Variants in ESRRG observed in about 807,000 individuals in gnomAD.
ESRRG encodes the protein estrogen-related receptor gamma.
ESRRG carries 13 observed loss-of-function variants against 44.0 expected under a neutral mutation model. The observed-to-expected ratio is 0.30, with a 90% CI of 0.19 to 0.47. ESRRG has a LOEUF of 0.47. Among genes scored for constraint, ESRRG ranks in the 20% least tolerant of loss-of-function variants. The pLI, the probability that ESRRG is intolerant of heterozygous loss-of-function variation, is 1.00. For missense variants in ESRRG, 395 were observed against 580.6 expected (o/e 0.68, Z 3.29); for synonymous variants, 215 against 214.6 (o/e 1.00, Z -0.02).
chr1:217,038,353 C>G (rs547951328), intron 1 of ESRRG, among the ~76,000 whole-genome samples: 1 of 152,350 alleles, frequency 6.6e-6, no homozygotes, highest in Non-Finnish European at 1.5e-5. Context: ...TGTGCACCCA[C>G]AGTCTCAACA....
chr1:216,694,020 A>G (rs1216987836), intron 1 of ESRRG, among the ~76,000 whole-genome samples: 1 of 152,214 alleles, frequency 6.6e-6, no homozygotes, highest in African/African-American at 2.4e-5. Context: ...TGTGGAAGAC[A>G]AAACAAAACA....
Position 216,629,715 on chromosome 1 carries a change from AG to A in ESRRG, c.589+21257del, listed in dbSNP as rs376673474. Among the ~76,000 whole-genome samples the A allele has an allele frequency of 2.5e-3, 388 of 152,334 alleles. 25 individuals are homozygous for A. The South Asian group carries it at 0.076, about 30-fold the overall frequency. On this transcript the variant is annotated intron_variant, in intron 3 of 6. Transcript: ENST00000408911. ...GAATAGAACAGGGATCATTAGAAAC[AG>A]TTATGCAAAACTTAAGAACAGAAAT...
chr1:216,627,181 A>G (rs995121879), intron 3 of ESRRG, among the ~76,000 whole-genome samples: 2 of 152,212 alleles, frequency 1.3e-5, no homozygotes, highest in African/African-American at 4.8e-5. Context: ...TCTCGAATCC[A>G]GATAGGAATA....
At chr1:216,525,519 TA>T (rs2047383572) in intron 5 of ESRRG, among the ~76,000 whole-genome samples, 1 of 71,052 alleles carries the variant, frequency 1.4e-5, no homozygotes, top group Non-Finnish European at 2.5e-5. Context: ...TGAGCTGCCT[TA>T]AGTTAAAGAG....
intron 2 of ESRRG, chr1:216,862,217 G>C (rs1278460421): frequency 1.4e-5 from 2 of 142,556 alleles, no homozygotes; most frequent in African/African-American, 5.6e-5. Context: ...GCAAAGACTT[G>C]TAACAGTTTC....
At chr1:217,042,919 C>T (rs1275703081) in intron 1 of ESRRG, among the ~76,000 whole-genome samples, 1 of 152,038 alleles carries the variant, frequency 6.6e-6, no homozygotes, top group Non-Finnish European at 1.5e-5. Flanking sequence ...GATTCTCATC[C>T]ATTGTCATAG....
intron 2 of ESRRG, among the ~76,000 whole-genome samples, chr1:216,915,585 A>G (rs2149653528): frequency 6.6e-6 from 1 of 152,194 alleles, no homozygotes; most frequent in African/African-American, 2.4e-5. Flanking sequence ...AAAACAAACA[A>G]ACAAACAAAC....
chr1:217,121,760 G>A (rs1388491028), intron 1 of ESRRG, among the ~76,000 whole-genome samples: 1 of 152,162 alleles, frequency 6.6e-6, no homozygotes, highest in Non-Finnish European at 1.5e-5. Context: ...TAACATCGGA[G>A]AGCCAGATTC....
chr1:216,789,657 T>C (rs2094249726), intron 2 of ESRRG, among the ~76,000 whole-genome samples: 1 of 152,152 alleles, frequency 6.6e-6, no homozygotes, highest in East Asian at 1.9e-4. Context: ...TATTTTCATT[T>C]CACAAAGGAG....
chr1:217,056,241 AATACTTTAAG>A (rs2087060579), intron 1 of ESRRG, among the ~76,000 whole-genome samples: 1 of 152,138 alleles, frequency 6.6e-6, no homozygotes, highest in African/African-American at 2.4e-5. Context: ...GTAAGTGAGA[AATACTTTAAG>A]ACACCAAAAG....
At chr1:216,878,519 T>C (rs2096392615) in intron 2 of ESRRG, among the ~76,000 whole-genome samples, 1 of 152,238 alleles carries the variant, frequency 6.6e-6, no homozygotes. Context: ...TTTCTTCTAT[T>C]TCTTTCATAG....
chr1:216,536,175 C>T (rs542114637), intron 5 of ESRRG, among the ~76,000 whole-genome samples: 4 of 152,198 alleles, frequency 2.6e-5, no homozygotes, highest in Non-Finnish European at 5.9e-5. Flanking sequence ...TCTTCTTCCT[C>T]TACCTGCCCA....
At chr1:216,818,984 T>C (rs1377697803) in intron 2 of ESRRG, among the ~76,000 whole-genome samples, 1 of 152,198 alleles carries the variant, frequency 6.6e-6, no homozygotes, top group Non-Finnish European at 1.5e-5. Flanking sequence ...ATGGTGTATA[T>C]ATACCACATT....
chr1:216,881,177 A>C (rs2096441279), intron 2 of ESRRG, among the ~76,000 whole-genome samples: 1 of 152,188 alleles, frequency 6.6e-6, no homozygotes, highest in African/African-American at 2.4e-5. Flanking sequence ...CCAGTTCCTA[A>C]ATAAACCCTC....
intron 2 of ESRRG, among the ~76,000 whole-genome samples, chr1:216,935,676 G>C (rs2064021457): frequency 6.6e-6 from 1 of 151,894 alleles, no homozygotes; most frequent in Admixed American, 6.6e-5. Flanking sequence ...GAGTACAGTG[G>C]AGTGATCTTG....
intron 1 of ESRRG, among the ~76,000 whole-genome samples, chr1:217,021,653 A>G: frequency 6.6e-6 from 1 of 152,226 alleles, no homozygotes; most frequent in East Asian, 1.9e-4. Flanking sequence ...ACAGGGACAG[A>G]GAGTTACAGC....
chr1:216,798,507 T>G (rs964000254), intron 2 of ESRRG, among the ~76,000 whole-genome samples: 1 of 152,212 alleles, frequency 6.6e-6, no homozygotes, highest in Admixed American at 6.5e-5. Flanking sequence ...CAGGAAGGGC[T>G]GCCTCCTGAA....
chr1:216,555,176 A>G (rs1027440642), intron 5 of ESRRG, among the ~76,000 whole-genome samples: 9 of 152,174 alleles, frequency 5.9e-5, no homozygotes, highest in African/African-American at 1.9e-4. Flanking sequence ...AACACAGCCA[A>G]GGCTGACATT....
chr1:216,798,961 C>T (rs2094543960), intron 2 of ESRRG, among the ~76,000 whole-genome samples: 1 of 152,048 alleles, frequency 6.6e-6, no homozygotes, highest in Non-Finnish European at 1.5e-5. Context: ...AGATTTAGAC[C>T]TAAATCAGCT....
Sources: allele counts gnomAD v4.1 joint callset (sites outside exome capture counted in the v4.1 genomes callset), GRCh38; gene constraint gnomAD v4.1.1; transcripts MANE v1.5; gene names NCBI Gene and HGNC (gene_info 2026-07-23, HGNC 2026-07-21).